CMC1: variants seen among roughly 807,000 people sequenced by gnomAD.
CMC1 encodes the protein C-X9-C motif containing 1.
Under a neutral mutation model 14.1 loss-of-function variants are expected in CMC1, and 14 were observed. The ratio of observed to expected loss-of-function variants is 0.99; its 90% confidence interval spans 0.66 to 1.55. CMC1 has a LOEUF of 1.55. Among genes scored for constraint, CMC1 ranks in the 40% most tolerant of loss-of-function variants. The pLI is 0.00. For synonymous variants in CMC1, 50 were observed against 38.4 expected (o/e 1.30, Z -1.12); for missense variants, 127 against 123.8 (o/e 1.03, Z -0.12).
rs192499982 is a variant in CMC1, at chr3:28,306,526, T to G, written c.110-9807T>G. 3.3e-5 allele frequency among the ~76,000 whole-genome samples: 5 copies of G among 152,312 alleles called. No homozygotes were observed. The East Asian group carries it at 7.7e-4, about 23-fold the overall frequency. ...AATGATGATTTTTGCATGTTGATTT[T>G]GTGTCCTGAAACTTTACTGATGTCA... On this transcript the variant is annotated intron_variant, in intron 2 of 3. Transcript: ENST00000466830.
chr3:28,248,752 G>A (rs1272384170), intron 1 of CMC1, among the ~76,000 whole-genome samples: 1 of 152,100 alleles, frequency 6.6e-6, no homozygotes, highest in East Asian at 1.9e-4. Context: ...TGATACCCAA[G>A]TTAACATTCT....
intron 2 of CMC1, among the ~76,000 whole-genome samples, chr3:28,306,250 G>A (rs1702298781): frequency 6.6e-6 from 1 of 152,134 alleles, no homozygotes; most frequent in Non-Finnish European, 1.5e-5. Context: ...GATAGGAATA[G>A]CATTGAATCT....
At chr3:28,300,399 G>A (rs904839837) in intron 2 of CMC1, among the ~76,000 whole-genome samples, 28 of 152,204 alleles carry the variant, frequency 1.8e-4, no homozygotes, top group African/African-American at 6.7e-4. Context: ...AGAGTGCGAT[G>A]AACAGGGAAT....
intron 2 of CMC1, among the ~76,000 whole-genome samples, chr3:28,283,753 A>G (rs759120327): frequency 6.6e-6 from 1 of 152,184 alleles, no homozygotes; most frequent in Non-Finnish European, 1.5e-5. Flanking sequence ...CTCAGTAGGA[A>G]CAGTTGTATT....
rs1047069330 is a variant in CMC1 at position 28,323,147 on chromosome 3, AT to A, written c.*3521del. 4.0e-5 allele frequency: 6 copies of A among 150,896 alleles called. No homozygotes were observed. Among genetic ancestry groups the A allele is most frequent in the Non-Finnish European group, 5.9e-5 (4 of 67,296 alleles). The allele number at this position is 150,896 out of a possible 1,614,324, so 9.3% of individuals were successfully genotyped here. On this transcript the variant is annotated 3_prime_UTR_variant, in exon 4 of 4. Transcript: ENST00000466830. ...TTACATTTCAACACAAAGTCTAACAATTTAGAAGCTGCTCTACACAATGTGC... is the reference window on the plus strand; with the variant it reads ...TTACATTTCAACACAAAGTCTAACAATTAGAAGCTGCTCTACACAATGTGC...
At chr3:28,250,600 A>G (rs1216829689) in intron 1 of CMC1, among the ~76,000 whole-genome samples, 2 of 152,162 alleles carry the variant, frequency 1.3e-5, no homozygotes, top group African/African-American at 2.4e-5. Context: ...CTATATAACT[A>G]TAAGCCGATT....
At chr3:28,306,783 T>A (rs970799099) in intron 2 of CMC1, among the ~76,000 whole-genome samples, 1 of 152,046 alleles carries the variant, frequency 6.6e-6, no homozygotes, top group Non-Finnish European at 1.5e-5. Context: ...TAGCTGGAAT[T>A]ACAGGCACCT....
intron 2 of CMC1, among the ~76,000 whole-genome samples, chr3:28,295,416 G>T (rs1701687065): frequency 6.6e-6 from 1 of 151,994 alleles, no homozygotes; most frequent in South Asian, 2.1e-4. Context: ...TTCAGTATCG[G>T]TATCACATCA....
At chr3:28,250,342 G>C (rs1699071048) in intron 1 of CMC1, among the ~76,000 whole-genome samples, 1 of 152,142 alleles carries the variant, frequency 6.6e-6, no homozygotes, top group Non-Finnish European at 1.5e-5. Context: ...GAGAAATGTT[G>C]AATTGAGTTT....
At chr3:28,312,949 C>T (rs912989470) in intron 2 of CMC1, among the ~76,000 whole-genome samples, 3 of 152,022 alleles carry the variant, frequency 2.0e-5, no homozygotes, top group South Asian at 2.1e-4. Context: ...TTTCTCCTCC[C>T]GGGTTCAAGT....
intron 2 of CMC1, among the ~76,000 whole-genome samples, chr3:28,303,090 T>G (rs879724067): frequency 6.6e-6 from 1 of 152,208 alleles, no homozygotes; most frequent in Admixed American, 6.5e-5. Flanking sequence ...ATAAAAATAG[T>G]GCTTACTTGA....
chr3:28,294,810 T>A (rs1439072854), intron 2 of CMC1, among the ~76,000 whole-genome samples: 3 of 152,172 alleles, frequency 2.0e-5, no homozygotes, highest in Non-Finnish European at 4.4e-5. Context: ...CATTTTGATA[T>A]GACTCCTTCT....
At chr3:28,251,128 G>A (rs967911889) in intron 1 of CMC1, among the ~76,000 whole-genome samples, 2 of 152,174 alleles carry the variant, frequency 1.3e-5, no homozygotes, top group African/African-American at 4.8e-5. Context: ...AGAAAGAAGT[G>A]TATTTAGCTC....
chr3:28,263,196 A>C, intron 1 of CMC1, 95 bp from the exon 2 acceptor site: 1 of 821,942 alleles, frequency 1.2e-6, no homozygotes, highest in Non-Finnish European at 1.9e-6. Flanking sequence ...GTATATTTGC[A>C]TAGGCTTTTA....
At position 28,320,788 on chromosome 3, in the gene CMC1, C is replaced by T. The variant is rs2125624893; in HGVS notation, c.*1159C>T. Reference sequence around the variant, plus strand: ...GGAAGTAGTATAAAAAATTTATGTCCCAATTTAATAATTTGAGCTTTTATA... The same window carrying T: ...GGAAGTAGTATAAAAAATTTATGTCTCAATTTAATAATTTGAGCTTTTATA... On this transcript the variant is annotated 3_prime_UTR_variant, in exon 4 of 4. Coordinates refer to ENST00000466830, the MANE Select transcript of CMC1 (RefSeq NM_182523.2). 6.6e-6 allele frequency: 1 copy of T among 150,928 alleles called. No individual in the cohort carries two copies. The highest frequency in any genetic ancestry group is 2.1e-4 in the South Asian group (1 of 4,800). 9.3% of individuals were successfully genotyped at this position (150,928 alleles called of 1,614,324 possible).
chr3:28,261,173 TCA>T (rs1444480828), intron 1 of CMC1, among the ~76,000 whole-genome samples: 1 of 152,120 alleles, frequency 6.6e-6, no homozygotes, highest in Non-Finnish European at 1.5e-5. Flanking sequence ...TATCATGCGT[TCA>T]GTTTTTTTTT....
At chr3:28,299,079 G>A (rs1308480805) in intron 2 of CMC1, among the ~76,000 whole-genome samples, 2 of 151,986 alleles carry the variant, frequency 1.3e-5, no homozygotes, top group Non-Finnish European at 2.9e-5. Flanking sequence ...TTTATTTTAT[G>A]TCAATTTTCT....
At chr3:28,262,601 T>A (rs971490614) in intron 1 of CMC1, among the ~76,000 whole-genome samples, 1 of 152,172 alleles carries the variant, frequency 6.6e-6, no homozygotes, top group African/African-American at 2.4e-5. Context: ...TATAGTAATA[T>A]GATTACCTCA....
intron 2 of CMC1, among the ~76,000 whole-genome samples, chr3:28,293,909 A>G (rs1701614409): frequency 6.6e-6 from 1 of 151,880 alleles, no homozygotes; most frequent in African/African-American, 2.4e-5. Flanking sequence ...TAACTTGAAA[A>G]CCTGTGTAGT....
Sources: gnomAD v4.1 joint callset for allele counts (sites outside exome capture counted in the v4.1 genomes callset) on GRCh38, gnomAD v4.1.1 for gene constraint, MANE v1.5 for transcripts, NCBI Gene and HGNC (gene_info 2026-07-23, HGNC 2026-07-21) for gene names.